Variants in PLXNA1 observed in about 807,000 individuals in gnomAD.
PLXNA1 encodes plexin A1.
Under a neutral mutation model 191.7 loss-of-function variants are expected in PLXNA1, and 77 were observed. The observed-to-expected ratio is 0.40, with a 90% CI of 0.33 to 0.49. PLXNA1 has a LOEUF of 0.49. Among genes scored for constraint, PLXNA1 ranks in the 20% least tolerant of loss-of-function variants. The pLI, the probability that PLXNA1 is intolerant of heterozygous loss-of-function variation, is 0.63. For missense variants in PLXNA1, 2,110 were observed against 2,660.2 expected (o/e 0.79, Z 4.55); for synonymous variants, 1,137 against 1,156.4 (o/e 0.98, Z 0.34).
intron 25 of PLXNA1, 186 bp from the exon 26 acceptor site, chr3:127,028,807 T>A (rs754735263): frequency 2.1e-4 from 124 of 592,510 alleles, no homozygotes; most frequent in Non-Finnish European, 3.6e-4. Context: ...TGTGGCAGAT[T>A]GGGAGGGCTG....
intron 3 of PLXNA1, among the ~76,000 whole-genome samples, chr3:126,998,416 G>A (rs28417304): frequency 0.08 from 12,172 of 152,232 alleles, 609 homozygotes; most frequent in South Asian, 0.21. Flanking sequence ...GGTCCCTGCT[G>A]CCTGTGTCCC....
chr3:126,983,509 C>G (rs953981603), intron 1 of PLXNA1, among the ~76,000 whole-genome samples: 1 of 146,372 alleles, frequency 6.8e-6, no homozygotes, highest in Non-Finnish European at 1.5e-5. Context: ...CCGGCCCAGG[C>G]GTCCGCGTGT....
At chr3:127,030,106 A>C in intron 28 of PLXNA1, 42 bp downstream of exon 28, 1 of 1,601,730 alleles carries the variant, frequency 6.2e-7, no homozygotes, top group African/African-American at 1.3e-5. Flanking sequence ...CGCTGGGCCA[A>C]CTGAGCTCAG....
chr3:127,014,527 C>T lies in PLXNA1; in HGVS notation c.2654C>T (p.Thr885Ile), dbSNP rs918807249. ...CAGGGCGGCACGCGGCTCACTATCACAGGCGAGAACCTGGGCCTGCGATTC... is the reference window on the plus strand; with the variant it reads ...CAGGGCGGCACGCGGCTCACTATCATAGGCGAGAACCTGGGCCTGCGATTC... Reference protein sequence around the residue: ...PRQGGTRLTITGENLGLRFED... With the variant: ...PRQGGTRLTIIGENLGLRFED... Residue 885 changes from threonine to isoleucine, a missense_variant, in exon 13 of 32, where the codon ACA becomes ATA. By Grantham distance (89) the Thr-to-Ile change is moderately conservative. Around this residue, in one of 4 missense-constraint regions of PLXNA1, gnomAD observed 644 missense variants for 714.3 expected, o/e 0.90. Transcript: ENST00000393409. 1.2e-6 allele frequency: 2 copies of T among 1,609,868 alleles called. No homozygotes were observed. The highest frequency in any genetic ancestry group is 2.7e-5 in the African/African-American group (2 of 74,926).
At chr3:126,994,630 T>A (rs1263404056) in intron 3 of PLXNA1, among the ~76,000 whole-genome samples, 2 of 152,174 alleles carry the variant, frequency 1.3e-5, no homozygotes, top group African/African-American at 4.8e-5. Context: ...GAAGGATGCT[T>A]GCTCCCCGCT....
At chr3:126,997,570 C>T (rs1205399974) in intron 3 of PLXNA1, among the ~76,000 whole-genome samples, 2 of 152,344 alleles carry the variant, frequency 1.3e-5, no homozygotes, top group Admixed American at 6.5e-5. Flanking sequence ...GTCCCCTTCA[C>T]GGGGCCCTGC....
In PLXNA1 at chr3:127,022,216, C is replaced by G. The variant is rs371319169; in HGVS notation, c.4170C>G (p.Ala1390=). 23 of 1,613,340 alleles carry G rather than the reference C, an allele frequency of 1.4e-5. No homozygotes were observed. Among genetic ancestry groups the G allele is most frequent in the Non-Finnish European group, 1.9e-5 (22 of 1,180,008 alleles). ...CCATGCGCGACCGCGGGAATGTGGC[C>G]TCGCTCATCATGACGGCCCTGCAGG... is the stretch of plus-strand genomic sequence containing the variant. ...SFSMRDRGNV[A]SLIMTALQGE... Residue 1390 remains alanine, a synonymous_variant, in exon 22 of 32, where the codon GCC becomes GCG. Transcript: ENST00000393409.
chr3:127,029,369 C>T, intron 26 of PLXNA1, 71 bp from the exon 27 acceptor site: 3 of 1,455,186 alleles, frequency 2.1e-6, no homozygotes, highest in Non-Finnish European at 2.9e-6. Flanking sequence ...GGGTCCCCAG[C>T]CGGGGAGTGG....
At chr3:127,011,608 T>C (rs982004646) in intron 9 of PLXNA1, among the ~76,000 whole-genome samples, 1 of 152,118 alleles carries the variant, frequency 6.6e-6, no homozygotes, top group South Asian at 2.1e-4. Flanking sequence ...GCTATTTTTA[T>C]ACACTCCCTG....
At chr3:126,999,649 C>T (rs1050492031) in intron 3 of PLXNA1, among the ~76,000 whole-genome samples, 2 of 152,236 alleles carry the variant, frequency 1.3e-5, no homozygotes, top group Admixed American at 6.5e-5. Flanking sequence ...TGGCCGGGCC[C>T]TCAGCTGCCC....
intron 1 of PLXNA1, among the ~76,000 whole-genome samples, chr3:126,984,836 G>C (rs1416803628): frequency 6.6e-6 from 1 of 152,232 alleles, no homozygotes; most frequent in East Asian, 1.9e-4. Context: ...GAGCAGCTTA[G>C]AGCAGCTGGC....
In PLXNA1 at chr3:126,988,689, G is replaced by A. The variant is rs1157065089; in HGVS notation, c.96G>A (p.Arg32=). 2 of 1,573,948 alleles carry A rather than the reference G, an allele frequency of 1.3e-6. No homozygotes were observed. Among genetic ancestry groups the A allele is most frequent in the Non-Finnish European group, 1.7e-6 (2 of 1,158,398 alleles). The stretch of plus-strand genomic sequence containing the variant: ...TGTGGGCTGAGGCAGGCTTGCCCAG[G>A]GCAGGCGGGGGTTCACAGCCCCCCT... ...PGMWAEAGLP[R]AGGGSQPPFR... The change falls in exon 2 of 32, where the codon AGG becomes AGA. Residue 32 remains arginine (R), a synonymous_variant. Transcript: ENST00000393409.
At chr3:127,006,338 G>A (rs1380341168) in intron 8 of PLXNA1, among the ~76,000 whole-genome samples, 160 bp downstream of exon 8, 1 of 152,304 alleles carries the variant, frequency 6.6e-6, no homozygotes, top group East Asian at 1.9e-4. Flanking sequence ...GGGCGGTCAG[G>A]GAGGGAGGAG....
intron 27 of PLXNA1, 111 bp from the exon 28 acceptor site, chr3:127,029,763 A>C (rs1239958757): frequency 2.3e-6 from 3 of 1,333,068 alleles, no homozygotes; most frequent in African/African-American, 1.5e-5. Context: ...CGGCTGCCCC[A>C]AAATCCCACA....
At position 127,028,223 on chromosome 3, in the gene PLXNA1, G is replaced by T; in HGVS notation, c.4552G>T (p.Val1518Leu). 3 of 1,613,166 alleles carry T rather than the reference G, an allele frequency of 1.9e-6. No individual in the cohort carries two copies. Among genetic ancestry groups the T allele is most frequent in the Non-Finnish European group, 2.5e-6 (3 of 1,180,000 alleles). ...CCCTGAGAATGAGAATGCACCTGAGGTGCCGGTGAAGGGGCTGGACTGTGA... is the reference window on the plus strand; with the variant it reads ...CCCTGAGAATGAGAATGCACCTGAGTTGCCGGTGAAGGGGCTGGACTGTGA... ...VNPENENAPEVPVKGLDCDTV... is the reference protein window; with the variant it reads ...VNPENENAPELPVKGLDCDTV... Residue 1518 changes from valine (V) to leucine (L), a missense_variant, in exon 25 of 32, where the codon GTG becomes TTG. Around this residue, in one of 4 missense-constraint regions of PLXNA1, gnomAD observed 559 missense variants for 911.5 expected, o/e 0.61. Coordinates refer to ENST00000393409, the MANE Select transcript of PLXNA1 (RefSeq NM_032242.4).
At chr3:127,022,016 C>A (rs1287358570) in intron 21 of PLXNA1, 69 bp from the exon 22 acceptor site, 1 of 1,563,076 alleles carries the variant, frequency 6.4e-7, no homozygotes, top group African/African-American at 1.4e-5. Flanking sequence ...CTGGACAGCC[C>A]CTCACTGGTC....
At chr3:126,984,712 G>T (rs572588773) in intron 1 of PLXNA1, among the ~76,000 whole-genome samples, 1 of 152,324 alleles carries the variant, frequency 6.6e-6, no homozygotes, top group Admixed American at 6.5e-5. Flanking sequence ...GTGCTCTGGG[G>T]GTGGGGGACA....
intron 9 of PLXNA1, among the ~76,000 whole-genome samples, chr3:127,011,478 C>G (rs761366432): frequency 1.3e-5 from 2 of 152,182 alleles, no homozygotes; most frequent in East Asian, 1.9e-4. Context: ...TCAGTGTTCC[C>G]GAGGGGCCAT....
chr3:127,025,063 A>T (rs1430640470), intron 23 of PLXNA1, among the ~76,000 whole-genome samples: 1 of 152,132 alleles, frequency 6.6e-6, no homozygotes, highest in Non-Finnish European at 1.5e-5. Context: ...TGAACCTGCC[A>T]GGAGACATCT....
Sources: allele counts gnomAD v4.1 joint callset (sites outside exome capture counted in the v4.1 genomes callset), GRCh38; gene constraint gnomAD v4.1.1; regional missense constraint gnomAD v4.1.1; transcripts MANE v1.5; gene names NCBI Gene and HGNC (gene_info 2026-07-23, HGNC 2026-07-21).